The following RBM6 variants were observed in gnomAD, a reference collection of about 807,000 sequenced individuals.
The protein encoded by RBM6 is RNA-binding protein 6.
A neutral mutation model predicts 140.4 loss-of-function variants in RBM6; 23 were observed. The observed-to-expected ratio is 0.16, with a 90% CI of 0.12 to 0.23. The LOEUF is 0.23. RBM6 is among the 10% of genes least tolerant of loss of function. RBM6 has a pLI of 1.00. For missense variants in RBM6, 1,139 were observed against 1,386.7 expected (o/e 0.82, Z 2.84); for synonymous variants, 439 against 475.6 (o/e 0.92, Z 1.00).
chr3:50,051,794 A>G (rs2089479137), intron 7 of RBM6, among the ~76,000 whole-genome samples: 1 of 152,252 alleles, frequency 6.6e-6, no homozygotes, highest in African/African-American at 2.4e-5. Flanking sequence ...ACAAGTTGGC[A>G]TATCCATACA....
chr3:50,052,091 GTC>G (rs1207751682), intron 7 of RBM6, among the ~76,000 whole-genome samples: 1 of 152,090 alleles, frequency 6.6e-6, no homozygotes, highest in Non-Finnish European at 1.5e-5. Context: ...TTAAGAGAGA[GTC>G]TTGGTTTGTC....
chr3:50,034,288 C>T (rs555741336), intron 6 of RBM6, among the ~76,000 whole-genome samples: 59 of 152,012 alleles, frequency 3.9e-4, no homozygotes, highest in Non-Finnish European at 7.1e-4. Context: ...TCAGCCTAGA[C>T]TTCTTAGTGT....
intron 5 of RBM6, among the ~76,000 whole-genome samples, chr3:49,984,566 G>C (rs1231023975): frequency 6.6e-6 from 1 of 151,902 alleles, no homozygotes. Context: ...GGATGACAGA[G>C]TGAGACCCTG....
In RBM6 at chr3:50,057,755, C is replaced by G. The variant is rs145928642; in HGVS notation, c.1721C>G (p.Thr574Ser). The G allele has an allele frequency of 2.8e-5, 45 of 1,611,184 alleles. No homozygotes were observed. The highest frequency in any genetic ancestry group is 3.6e-5 in the Non-Finnish European group (42 of 1,179,388). Residue 574 changes from threonine (T) to serine (S), a missense_variant, in exon 9 of 21, where the codon ACC (threonine) becomes AGC (serine). Physicochemically the swap from Thr to Ser is moderately conservative, Grantham distance 58 (BLOSUM62 1). Transcript: ENST00000266022. ...EVTEAKQELI[T>S]YPQPQKTSIP... ...ACAGAGGCCAAGCAAGAATTAATAA[C>G]CTACCCTCAGCCTCAGAAAACATCC...
chr3:50,039,482 A>AC lies in RBM6; in HGVS notation c.1558-8749dup, dbSNP rs10546220. Reference sequence around the variant, plus strand: ...TCGAACTCCTGACCTCAGGTGATCCACCCCCCCCCCCCCCACCCTTGGTCT... The same window carrying AC: ...TCGAACTCCTGACCTCAGGTGATCCACCCCCCCCCCCCCCCACCCTTGGTCT... On this transcript the variant is annotated intron_variant, in intron 6 of 20. Transcript: ENST00000266022. Among the ~76,000 whole-genome samples the AC allele has an allele frequency of 3.2e-4, 39 of 122,162 alleles. 1 individual carries two copies. The highest frequency in any genetic ancestry group is 5.7e-4 in the Non-Finnish European group (32 of 56,026). 80.1% of individuals were successfully genotyped at this position (122,162 alleles called of 152,430 possible). A position where few individuals can be genotyped will look rare whatever the true frequency, so the allele number is the denominator to read the frequency against.
In RBM6 at chr3:50,062,017, A is replaced by G. The variant is rs780711178; in HGVS notation, c.2495A>G (p.Glu832Gly). The change falls in exon 15 of 21, where the codon GAA becomes GGA. Residue 832 changes from glutamate (E) to glycine (G), a missense_variant. This residue lies in a region of RBM6 where 163 missense variants were observed against 182.8 expected (regional missense o/e 0.89). Coordinates refer to ENST00000266022, the MANE Select transcript of RBM6 (RefSeq NM_005777.3). ...PGLPEEEEIKEKKPTSQGKSS... is the reference protein window; with the variant it reads ...PGLPEEEEIKGKKPTSQGKSS... ...TTACCTGAGGAAGAAGAGATCAAGG[A>G]AAAAAAACCCACCAGTCAAGGAAAG... 4.3e-6 allele frequency: 7 copies of G among 1,613,332 alleles called. No individual in the cohort carries two copies. Among genetic ancestry groups the G allele is most frequent in the Non-Finnish European group, 5.9e-6 (7 of 1,179,682 alleles).
intron 5 of RBM6, among the ~76,000 whole-genome samples, chr3:49,975,642 A>G (rs2085032541): frequency 6.6e-6 from 1 of 152,220 alleles, no homozygotes; most frequent in Non-Finnish European, 1.5e-5. Context: ...GTGTTGCAGC[A>G]ATTGCCTTGA....
At chr3:49,996,099 C>T (rs1037498735) in intron 5 of RBM6, among the ~76,000 whole-genome samples, 5 of 152,122 alleles carry the variant, frequency 3.3e-5, no homozygotes, top group African/African-American at 1.2e-4. Context: ...GGATGAGACT[C>T]GCCTGTGGCT....
intron 5 of RBM6, among the ~76,000 whole-genome samples, chr3:49,984,715 G>A (rs1441943793): frequency 6.6e-6 from 1 of 151,844 alleles, no homozygotes; most frequent in African/African-American, 2.4e-5. Context: ...CAGAAATCTT[G>A]TAGTCAGCCT....
intron 8 of RBM6, among the ~76,000 whole-genome samples, 162 bp from the exon 9 acceptor site, chr3:50,057,565 CA>C (rs2089754379): frequency 1.4e-5 from 1 of 72,798 alleles, no homozygotes; most frequent in African/African-American, 5.4e-5. Context: ...TTCAGCTGGG[CA>C]ACAAGAGCAA....
intron 4 of RBM6, among the ~76,000 whole-genome samples, chr3:49,974,273 GC>G (rs1458964553): frequency 1.3e-5 from 2 of 151,976 alleles, no homozygotes; most frequent in Middle Eastern, 3.2e-3. Context: ...AGACTGGAGT[GC>G]AATGGCCCAA....
chr3:49,973,313 G>A (rs2084890578), intron 4 of RBM6, among the ~76,000 whole-genome samples: 1 of 151,970 alleles, frequency 6.6e-6, no homozygotes, highest in Non-Finnish European at 1.5e-5. Flanking sequence ...TGTGTAGTTA[G>A]GGAGACATCA....
chr3:50,059,630 AG>A lies in RBM6; in HGVS notation c.2131-18del, dbSNP rs762306275. The A allele has an allele frequency of 1.4e-5, 22 of 1,601,868 alleles. No homozygotes were observed. Among genetic ancestry groups the A allele is most frequent in the Non-Finnish European group, 1.7e-5 (20 of 1,172,304 alleles). ...CTGGCATTTTCTGTCTCTGGGTTCA[AG>A]TGTGTCTGGTTCTATAGGAAGCTCT... On this transcript the variant is annotated intron_variant, in intron 10 of 20. Transcript: ENST00000266022.
At chr3:50,020,083 T>C (rs555125348) in intron 6 of RBM6, among the ~76,000 whole-genome samples, 1 of 152,270 alleles carries the variant, frequency 6.6e-6, no homozygotes, top group Middle Eastern at 3.4e-3. Context: ...CATACCCATC[T>C]AGTTTTTTAA....
chr3:50,006,379 G>A (rs757980383), intron 6 of RBM6, among the ~76,000 whole-genome samples: 19 of 151,952 alleles, frequency 1.3e-4, no homozygotes, highest in Non-Finnish European at 2.1e-4. Context: ...CAGGTGATCC[G>A]CCCGCCTCGG....
intron 5 of RBM6, among the ~76,000 whole-genome samples, chr3:49,984,295 C>T (rs559923992): frequency 6.6e-6 from 1 of 151,866 alleles, no homozygotes; most frequent in East Asian, 1.9e-4. Context: ...AGAGAGAGAC[C>T]TTGTCTCAAA....
chr3:49,954,286 A>G (rs562613358), intron 1 of RBM6, among the ~76,000 whole-genome samples: 2 of 152,084 alleles, frequency 1.3e-5, no homozygotes, highest in East Asian at 3.9e-4. Context: ...AAAAAAATAC[A>G]AAAATTAGCT....
intron 19 of RBM6, among the ~76,000 whole-genome samples, chr3:50,074,637 G>A (rs2090404415): frequency 6.6e-6 from 1 of 152,138 alleles, no homozygotes; most frequent in Admixed American, 6.5e-5. Context: ...CTACATCCAT[G>A]GTTGAGCTCT....
intron 6 of RBM6, among the ~76,000 whole-genome samples, chr3:50,023,573 A>C (rs2087631690): frequency 6.6e-6 from 1 of 151,890 alleles, no homozygotes; most frequent in African/African-American, 2.4e-5. Context: ...GTCTAGTAGA[A>C]TACCGTGTTT....
Sources: allele counts gnomAD v4.1 joint callset (sites outside exome capture counted in the v4.1 genomes callset), GRCh38; gene constraint gnomAD v4.1.1; regional missense constraint gnomAD v4.1.1; transcripts MANE v1.5; gene names NCBI Gene and HGNC (gene_info 2026-07-23, HGNC 2026-07-21).